Variants in PTPRG observed in about 807,000 individuals in gnomAD.
PTPRG encodes the protein protein tyrosine phosphatase receptor type G.
Under a neutral mutation model 165.3 loss-of-function variants are expected in PTPRG, and 102 were observed. The observed-to-expected ratio is 0.62, with a 90% CI of 0.53 to 0.73. The LOEUF (loss-of-function observed/expected upper bound fraction) is 0.73, where lower values mean the gene tolerates loss of function less well. PTPRG is among the 30% of genes least tolerant of loss of function. The probability of loss-of-function intolerance (pLI) is 0.00; values close to 1 mark genes in which losing one functional copy is unlikely to be tolerated. For synonymous variants in PTPRG, 675 were observed against 669.5 expected (o/e 1.01, Z -0.13); for missense variants, 1,866 against 1,861.4 (o/e 1.00, Z -0.05).
At chr3:61,948,641 C>A (rs958289395) in intron 2 of PTPRG, among the ~76,000 whole-genome samples, 1 of 152,008 alleles carries the variant, frequency 6.6e-6, no homozygotes, top group East Asian at 1.9e-4. Flanking sequence ...ACAGGAGATT[C>A]TATTAGAGAA....
chr3:61,621,049 A>ATGTGTGTGTGTGTG (rs759319362), intron 1 of PTPRG, among the ~76,000 whole-genome samples: 18 of 104,306 alleles, frequency 1.7e-4, no homozygotes, highest in African/African-American at 5.4e-4. Flanking sequence ...ATATATATAT[A>ATGTGTGTGTGTGTG]TATGTGTGTG....
At chr3:61,763,262 G>A (rs1238877963) in intron 2 of PTPRG, among the ~76,000 whole-genome samples, 6 of 151,696 alleles carry the variant, frequency 4.0e-5, no homozygotes, top group Non-Finnish European at 7.4e-5. Context: ...TTTTGAGACG[G>A]AGTCTCACCC....
intron 2 of PTPRG, among the ~76,000 whole-genome samples, chr3:61,776,304 C>G (rs1486985004): frequency 2.0e-5 from 3 of 152,070 alleles, no homozygotes; most frequent in African/African-American, 7.2e-5. Flanking sequence ...ATGAGCTTGA[C>G]TTACTTCCTT....
chr3:62,172,828 A>C (rs896689786), intron 8 of PTPRG, among the ~76,000 whole-genome samples: 1 of 152,208 alleles, frequency 6.6e-6, no homozygotes, highest in Non-Finnish European at 1.5e-5. Flanking sequence ...TCTATCTGAT[A>C]ATTATTGGAA....
At chr3:61,842,358 C>T (rs528791234) in intron 2 of PTPRG, among the ~76,000 whole-genome samples, 2 of 152,280 alleles carry the variant, frequency 1.3e-5, no homozygotes, top group East Asian at 1.9e-4. Context: ...TATGCTCTCT[C>T]GCCAGTCTGG....
chr3:62,099,402 T>C (rs559562680), intron 5 of PTPRG, among the ~76,000 whole-genome samples: 2 of 152,316 alleles, frequency 1.3e-5, no homozygotes, highest in East Asian at 3.9e-4. Context: ...ACTAGAAAAG[T>C]TGTGGCCGCA....
At chr3:62,184,163 G>A (rs551929893) in intron 8 of PTPRG, among the ~76,000 whole-genome samples, 12 of 152,334 alleles carry the variant, frequency 7.9e-5, no homozygotes, top group East Asian at 5.8e-4. Flanking sequence ...CGTTGTGTGC[G>A]GGGGATGATC....
chr3:62,272,923 T>C (rs1399263080), intron 21 of PTPRG, 23 bp from the exon 22 acceptor site: 41 of 1,564,256 alleles, frequency 2.6e-5, no homozygotes, highest in Non-Finnish European at 3.4e-5. Context: ...AAAGTGCCAG[T>C]TGAGTGTCTT....
intron 2 of PTPRG, among the ~76,000 whole-genome samples, chr3:61,940,515 G>C (rs2039594882): frequency 6.6e-6 from 1 of 151,996 alleles, no homozygotes; most frequent in South Asian, 2.1e-4. Context: ...TGCCCTGGTT[G>C]TTTTTGCATC....
At chr3:62,009,141 T>G (rs891593666) in intron 4 of PTPRG, among the ~76,000 whole-genome samples, 1 of 152,200 alleles carries the variant, frequency 6.6e-6, no homozygotes, top group Non-Finnish European at 1.5e-5. Flanking sequence ...CAAAATACCT[T>G]TTTGTCTTGA....
chr3:62,109,677 T>C (rs1223932461), intron 5 of PTPRG, among the ~76,000 whole-genome samples: 1 of 152,138 alleles, frequency 6.6e-6, no homozygotes, highest in Non-Finnish European at 1.5e-5. Context: ...CTGCTCTCTT[T>C]GTTGCTTAAG....
Position 61,770,788 on chromosome 3 carries a change from G to A in PTPRG, c.190+21806G>A, listed in dbSNP as rs369010982. The A allele has an allele frequency of 1.1e-4, 16 of 152,214 alleles. No homozygotes were observed. In the East Asian group the frequency reaches 2.9e-3, roughly 28 times the overall value. 9.4% of individuals were successfully genotyped at this position (152,214 alleles called of 1,614,324 possible). A position where few individuals can be genotyped will look rare whatever the true frequency, so the allele number is the denominator to read the frequency against. On this transcript the variant is annotated intron_variant, in intron 2 of 29. Transcript: ENST00000474889. ...TCATATTTTAATACAATTAAAAGTT[G>A]GGTTTTTTAATTTGGGGACAGACAG...
intron 14 of PTPRG, among the ~76,000 whole-genome samples, chr3:62,234,965 T>A (rs72878128): frequency 0.11 from 16,163 of 151,304 alleles, 1,139 homozygotes; most frequent in African/African-American, 0.2. Context: ...TCAAGTATTT[T>A]AAAAAAAATA....
chr3:62,034,235 A>T (rs1262330631), intron 4 of PTPRG, among the ~76,000 whole-genome samples: 2 of 152,362 alleles, frequency 1.3e-5, no homozygotes, highest in Admixed American at 1.3e-4. Flanking sequence ...CATCCTGAGA[A>T]TACTTTATTT....
chr3:61,936,204 A>G (rs943151287), intron 2 of PTPRG, among the ~76,000 whole-genome samples: 1 of 152,142 alleles, frequency 6.6e-6, no homozygotes, highest in Non-Finnish European at 1.5e-5. Context: ...TGAGAAATAG[A>G]TTTCTGTTCT....
intron 10 of PTPRG, among the ~76,000 whole-genome samples, chr3:62,198,815 A>T (rs1700030730): frequency 6.6e-6 from 1 of 152,382 alleles, no homozygotes; most frequent in South Asian, 2.1e-4. Context: ...TCAATCAGAG[A>T]CAAAGCTGCA....
At chr3:61,789,847 T>TA (rs2034818020) in intron 2 of PTPRG, among the ~76,000 whole-genome samples, 1 of 152,194 alleles carries the variant, frequency 6.6e-6, no homozygotes, top group Non-Finnish European at 1.5e-5. Flanking sequence ...TGAGGTGAGA[T>TA]AAAAAATAAT....
intron 5 of PTPRG, among the ~76,000 whole-genome samples, chr3:62,100,665 C>G (rs534720568): frequency 1.3e-3 from 200 of 152,306 alleles, no homozygotes; most frequent in African/African-American, 4.6e-3. Flanking sequence ...CTCTCAGTTC[C>G]CATCTCTTAA....
chr3:62,124,167 C>A, intron 5 of PTPRG: 3 of 695,206 alleles, frequency 4.3e-6, no homozygotes, highest in South Asian at 1.8e-5. Context: ...TTGTTGTTGT[C>A]GTTGTTGTGC....
Sources: gnomAD v4.1 joint callset for allele counts (sites outside exome capture counted in the v4.1 genomes callset) on GRCh38, gnomAD v4.1.1 for gene constraint, MANE v1.5 for transcripts, NCBI Gene and HGNC (gene_info 2026-07-23, HGNC 2026-07-21) for gene names.